NRXN1: variants seen among roughly 807,000 people sequenced by gnomAD.
NRXN1 encodes the protein neurexin-1.
In NRXN1, 39 loss-of-function variants were observed where a neutral mutation model predicts 150.9. That is an observed-to-expected ratio of 0.26 (90% CI 0.20 to 0.34). NRXN1 has a LOEUF of 0.34. Ranked by LOEUF, NRXN1 falls within the 10% of genes least tolerant of loss-of-function variation. The pLI is 1.00. For missense variants in NRXN1, 1,815 were observed against 1,949.9 expected (o/e 0.93, Z 1.30); for synonymous variants, 924 against 757.0 (o/e 1.22, Z -3.62).
At chr2:50,189,707 T>C (rs2061331663) in intron 18 of NRXN1, among the ~76,000 whole-genome samples, 1 of 152,126 alleles carries the variant, frequency 6.6e-6, no homozygotes. Context: ...AAAGGGAATA[T>C]GGATTTGACA....
chr2:50,739,194 T>G, intron 5 of NRXN1: 1 of 430,952 alleles, frequency 2.3e-6, no homozygotes, highest in Non-Finnish European at 4.7e-6. Context: ...ATTATGGATT[T>G]TCTGACAGTA....
intron 21 of NRXN1, among the ~76,000 whole-genome samples, chr2:50,050,705 G>C (rs766902874): frequency 6.6e-6 from 1 of 151,874 alleles, no homozygotes; most frequent in African/African-American, 2.4e-5. Context: ...GAGGACAATT[G>C]AAAAGTCAAT....
intron 2 of NRXN1, among the ~76,000 whole-genome samples, chr2:50,940,383 G>A (rs919975453): frequency 6.6e-6 from 1 of 151,354 alleles, no homozygotes; most frequent in South Asian, 2.1e-4. Flanking sequence ...GCTTAGGCAG[G>A]AGAACTGCTT....
At chr2:50,132,775 T>C (rs1260255450) in intron 18 of NRXN1, among the ~76,000 whole-genome samples, 2 of 152,046 alleles carry the variant, frequency 1.3e-5, no homozygotes, top group Admixed American at 6.6e-5. Context: ...AAACGTCTAA[T>C]GTACATAGAT....
At chr2:50,487,511 C>T (rs1222836233) in intron 15 of NRXN1, among the ~76,000 whole-genome samples, 4 of 152,196 alleles carry the variant, frequency 2.6e-5, no homozygotes, top group Admixed American at 2.6e-4. Flanking sequence ...AGTGCTATGT[C>T]ATTAAAAATG....
intron 5 of NRXN1, among the ~76,000 whole-genome samples, chr2:50,683,084 A>G (rs1690649823): frequency 6.6e-6 from 1 of 152,128 alleles, no homozygotes; most frequent in African/African-American, 2.4e-5. Context: ...GTGGACACAG[A>G]CCATACTTAT....
intron 5 of NRXN1, among the ~76,000 whole-genome samples, chr2:50,702,946 C>A (rs578007504): frequency 6.6e-6 from 1 of 151,958 alleles, no homozygotes; most frequent in African/African-American, 2.4e-5. Flanking sequence ...GTTCTGCTTC[C>A]CCCTTTATAA....
chr2:49,946,544 T>G (rs1221163592), intron 21 of NRXN1, among the ~76,000 whole-genome samples: 8 of 152,080 alleles, frequency 5.3e-5, no homozygotes, highest in Admixed American at 5.2e-4. Flanking sequence ...TAATCCATCT[T>G]GAGTTAATTT....
intron 5 of NRXN1, among the ~76,000 whole-genome samples, chr2:50,844,634 C>T (rs1348023775): frequency 3.9e-5 from 6 of 152,164 alleles, no homozygotes; most frequent in Non-Finnish European, 8.8e-5. Context: ...AAAAAGTATA[C>T]ATCATATTAT....
intron 9 of NRXN1, among the ~76,000 whole-genome samples, chr2:50,550,892 A>T (rs1667369557): frequency 6.6e-6 from 1 of 151,780 alleles, no homozygotes; most frequent in African/African-American, 2.4e-5. Context: ...CATGTTAGCC[A>T]GGATGGTCTG....
intron 5 of NRXN1, among the ~76,000 whole-genome samples, chr2:50,744,685 AT>A (rs1699812161): frequency 6.6e-6 from 1 of 152,080 alleles, no homozygotes; most frequent in Non-Finnish European, 1.5e-5. Context: ...AAGTAGAGAG[AT>A]ATTACCTGTT....
intron 8 of NRXN1, chr2:50,615,220 G>C (rs1320224342): frequency 6.6e-6 from 1 of 151,940 alleles, no homozygotes; most frequent in African/African-American, 2.4e-5. Context: ...TCTCTCTCTA[G>C]AATACTTCCT....
chr2:50,038,675 T>C (rs950782353), intron 21 of NRXN1, among the ~76,000 whole-genome samples: 3 of 152,266 alleles, frequency 2.0e-5, no homozygotes, highest in South Asian at 2.1e-4. Flanking sequence ...TAATTTGTTA[T>C]ACAGGAACAG....
At chr2:50,768,750 C>T (rs903765886) in intron 5 of NRXN1, among the ~76,000 whole-genome samples, 1 of 151,932 alleles carries the variant, frequency 6.6e-6, no homozygotes, top group Non-Finnish European at 1.5e-5. Context: ...CCGAAAATCA[C>T]CACGAAGTTC....
chr2:49,974,010 G>C (rs544376572), intron 21 of NRXN1: 3 of 717,252 alleles, frequency 4.2e-6, no homozygotes, highest in Non-Finnish European at 7.8e-6. Flanking sequence ...TGTCTGTCTG[G>C]CTACCCTGCG....
chr2:50,026,388 T>C (rs565987321), intron 21 of NRXN1, among the ~76,000 whole-genome samples: 1 of 152,354 alleles, frequency 6.6e-6, no homozygotes, highest in East Asian at 1.9e-4. Context: ...AAATATGTTC[T>C]ATTTTTCAAC....
chr2:50,595,821 C>A (rs1310157820), intron 8 of NRXN1, among the ~76,000 whole-genome samples: 1 of 152,142 alleles, frequency 6.6e-6, no homozygotes, highest in African/African-American at 2.4e-5. Flanking sequence ...TAATTCTCCA[C>A]CAGTTCTGCT....
At chr2:50,392,130 T>C (rs1347275797) in intron 17 of NRXN1, among the ~76,000 whole-genome samples, 1 of 152,176 alleles carries the variant, frequency 6.6e-6, no homozygotes, top group African/African-American at 2.4e-5. Context: ...TCTAAAATGA[T>C]GTGATCACAA....
At chr2:49,935,468 C>A (rs150659678) in intron 22 of NRXN1, among the ~76,000 whole-genome samples, 1 of 152,090 alleles carries the variant, frequency 6.6e-6, no homozygotes, top group Non-Finnish European at 1.5e-5. Context: ...GTATTCTGGT[C>A]TTTGCTATTA....
Sources: gnomAD v4.1 joint callset for allele counts (sites outside exome capture counted in the v4.1 genomes callset) on GRCh38, gnomAD v4.1.1 for gene constraint, MANE v1.5 for transcripts, NCBI Gene and HGNC (gene_info 2026-07-23, HGNC 2026-07-21) for gene names.